The following COL9A1 variants were observed in gnomAD, a reference collection of about 807,000 sequenced individuals.
COL9A1 encodes collagen type IX alpha 1 chain.
COL9A1 carries 104 observed loss-of-function variants against 142.6 expected under a neutral mutation model. That is an observed-to-expected ratio of 0.73 (90% CI 0.62 to 0.86). The LOEUF (loss-of-function observed/expected upper bound fraction) is 0.86. COL9A1 is among the 40% of genes least tolerant of loss of function. The pLI, the probability that COL9A1 is intolerant of heterozygous loss-of-function variation, is 0.00. For synonymous variants in COL9A1, 466 were observed against 396.0 expected (o/e 1.18, Z -2.10); for missense variants, 1,210 against 1,176.6 (o/e 1.03, Z -0.42).
chr6:70,219,914 T>C (rs1162691905), intron 37 of COL9A1, among the ~76,000 whole-genome samples: 1 of 152,248 alleles, frequency 6.6e-6, no homozygotes, highest in Non-Finnish European at 1.5e-5. Flanking sequence ...AGCAGAAGGA[T>C]AGCTTTTTAG....
chr6:70,216,362 T>TCAAGAGATCAA lies in COL9A1; in HGVS notation c.*534_*535insTTGATCTCTTG. The TCAAGAGATCAA allele has an allele frequency of 6.3e-6, 1 of 158,130 alleles. No individual in the cohort carries two copies. The highest frequency in any genetic ancestry group is 1.9e-4 in the South Asian group (1 of 5,380). The allele number at this position is 158,130 out of a possible 1,614,324, so 9.8% of individuals were successfully genotyped here. A position where few individuals can be genotyped will look rare whatever the true frequency, so the allele number is the denominator to read the frequency against. On this transcript the variant is annotated 3_prime_UTR_variant, in exon 38 of 38. Coordinates refer to ENST00000357250, the MANE Select transcript of COL9A1 (RefSeq NM_001851.6). Reference sequence around the variant, plus strand: ...GACGTAAAGAAATCATTTCGGGAGATGTAGCCCTTTCTTATCACTCCAGAG... The same window carrying TCAAGAGATCAA: ...GACGTAAAGAAATCATTTCGGGAGATCAAGAGATCAAGTAGCCCTTTCTTATCACTCCAGAG...
rs367635142 is a variant in COL9A1 at position 70,300,184 on chromosome 6, T to C, written c.167-9A>G. 16 of 1,613,554 alleles carry C rather than the reference T, an allele frequency of 9.9e-6. No homozygotes were observed. Among genetic ancestry groups the C allele is most frequent in the Admixed American group, 1.7e-5 (1 of 59,972 alleles). ...AGAGATCAGATCAAACCCTATAGAATGGGAATACAAAATGAAAAGTCTAAA... is the reference window on the plus strand; with the variant it reads ...AGAGATCAGATCAAACCCTATAGAACGGGAATACAAAATGAAAAGTCTAAA... On this transcript the variant is annotated splice_polypyrimidine_tract_variant and intron_variant, in intron 3 of 37. Transcript: ENST00000357250.
At position 70,216,616 on chromosome 6, in the gene COL9A1, CAGG is replaced by C; in HGVS notation, c.*278_*280del. ...ACACTAAAGCTCAAGATCCTGGGAACAGGAGTATAAATTTATTCAAGGGAGGTG... is the reference window on the plus strand; with the variant it reads ...ACACTAAAGCTCAAGATCCTGGGAACAGTATAAATTTATTCAAGGGAGGTG... On this transcript the variant is annotated 3_prime_UTR_variant, in exon 38 of 38. Coordinates refer to ENST00000357250, the MANE Select transcript of COL9A1 (RefSeq NM_001851.6). 3 of 473,270 alleles carry C rather than the reference CAGG, an allele frequency of 6.3e-6. No homozygotes were observed. The highest frequency in any genetic ancestry group is 7.7e-6 in the Non-Finnish European group (2 of 258,710). 29.3% of individuals were successfully genotyped at this position (473,270 alleles called of 1,614,324 possible). A position where few individuals can be genotyped will look rare whatever the true frequency, so the allele number is the denominator to read the frequency against.
rs1382303909 is a variant in COL9A1 at position 70,241,310 on chromosome 6, G to GT, written c.2034+108dup. The GT allele has an allele frequency of 4.8e-5, 44 of 909,528 alleles. No homozygotes were observed. The Admixed American group carries it at 7.6e-4, about 16-fold the overall frequency. 56.3% of individuals were successfully genotyped at this position (909,528 alleles called of 1,614,324 possible). A position where few individuals can be genotyped will look rare whatever the true frequency, so the allele number is the denominator to read the frequency against. Reference sequence around the variant, plus strand: ...CACTATGAACACATTGAGAAAAACTGTTAGCCTTCATGGTTTTATTAACCC... The same window carrying GT: ...CACTATGAACACATTGAGAAAAACTGTTTAGCCTTCATGGTTTTATTAACCC... On this transcript the variant is annotated intron_variant, in intron 31 of 37. Transcript: ENST00000357250.
In COL9A1 at chr6:70,281,393, G is replaced by A. The variant is rs766896501; in HGVS notation, c.873C>T (p.Ile291=). The A allele has an allele frequency of 6.2e-7, 1 of 1,612,450 alleles. No homozygotes were observed. Among genetic ancestry groups the A allele is most frequent in the South Asian group, 1.1e-5 (1 of 90,942 alleles). ...GPPGVPGIDG[I]DGDRGPKGPP... ...TGGCCTGGAGATAGAAACTTACGTCGATGCCATCGATGCCTGGAACTCCAG... is the reference window on the plus strand; with the variant it reads ...TGGCCTGGAGATAGAAACTTACGTCAATGCCATCGATGCCTGGAACTCCAG... The change falls in exon 8 of 38, where the codon ATC becomes ATT. Residue 291 remains isoleucine, a synonymous_variant. Transcript: ENST00000357250.
intron 18 of COL9A1, among the ~76,000 whole-genome samples, chr6:70,266,366 A>G (rs1057025525): frequency 2.0e-5 from 3 of 152,210 alleles, no homozygotes; most frequent in Non-Finnish European, 4.4e-5. Flanking sequence ...TACAAATGTC[A>G]TAAAATTTTG....
rs1331487111 is a variant in COL9A1, at chr6:70,252,223, A to G, written c.1818+39T>C. 5.6e-6 allele frequency: 9 copies of G among 1,614,030 alleles called. No homozygotes were observed. The South Asian group carries it at 9.9e-5, about 18-fold the overall frequency. On this transcript the variant is annotated intron_variant, in intron 27 of 37. Coordinates refer to ENST00000357250, the MANE Select transcript of COL9A1 (RefSeq NM_001851.6). ...AAAAAGTTAACACCTACTGATTACA[A>G]CAGGTTAGAACTTCAGGAGAGGTAA...
chr6:70,249,836 G>A (rs533828644), intron 28 of COL9A1, among the ~76,000 whole-genome samples: 8 of 152,132 alleles, frequency 5.3e-5, no homozygotes, highest in African/African-American at 1.4e-4. Flanking sequence ...TGCAGCCCAC[G>A]GCACTTAACT....
chr6:70,302,545 G>A (rs938663088), intron 1 of COL9A1, among the ~76,000 whole-genome samples: 1 of 151,906 alleles, frequency 6.6e-6, no homozygotes, highest in East Asian at 1.9e-4. Context: ...GAGATGTAAG[G>A]AACTCATGTT....
In COL9A1 at chr6:70,294,394, A is replaced by T. The variant is rs767160835; in HGVS notation, c.469T>A (p.Tyr157Asn). The change falls in exon 5 of 38, where the codon TAC becomes AAC. Residue 157 changes from tyrosine to asparagine, a missense_variant. Transcript: ENST00000357250. ...NGQTQSVVFS[Y>N]KGLDGSLQTA... The stretch of plus-strand genomic sequence containing the variant: ...TGGAGACTTCCATCCAGTCCCTTGT[A>T]TGAAAATACAACAGATTGTGTTTGG... 2.5e-6 allele frequency: 4 copies of T among 1,614,000 alleles called. No homozygotes were observed. In the South Asian group the frequency reaches 3.3e-5, roughly 13 times the overall value.
chr6:70,232,843 T>C (rs1769644291), intron 35 of COL9A1, 72 bp from the exon 36 acceptor site: 2 of 1,446,660 alleles, frequency 1.4e-6, no homozygotes, highest in Admixed American at 2.0e-5. Context: ...AAGAGAGGTA[T>C]TCCAAATGCC....
chr6:70,234,525 T>G lies in COL9A1; in HGVS notation c.2314+14A>C. Reference sequence around the variant, plus strand: ...TTGATGGTGGAAAAAGTCAAACCATTGTGATTTATTTACCTTGTATGACTC... The same window carrying G: ...TTGATGGTGGAAAAAGTCAAACCATGGTGATTTATTTACCTTGTATGACTC... On this transcript the variant is annotated intron_variant, in intron 35 of 37. Transcript: ENST00000357250. The G allele has an allele frequency of 2.5e-6, 4 of 1,613,542 alleles. No individual in the cohort carries two copies. The highest frequency in any genetic ancestry group is 2.5e-6 in the Non-Finnish European group (3 of 1,179,466).
At chr6:70,284,874 G>A (rs967120349) in intron 5 of COL9A1, among the ~76,000 whole-genome samples, 3 of 152,126 alleles carry the variant, frequency 2.0e-5, no homozygotes, top group Non-Finnish European at 4.4e-5. Context: ...CTGCCAAATG[G>A]ATTCTAGAGC....
At chr6:70,278,084 G>C (rs1467728341) in intron 10 of COL9A1, among the ~76,000 whole-genome samples, 1 of 152,124 alleles carries the variant, frequency 6.6e-6, no homozygotes, top group African/African-American at 2.4e-5. Context: ...AGTTCCAGAT[G>C]CCTCATGTGG....
intron 36 of COL9A1, among the ~76,000 whole-genome samples, chr6:70,227,954 T>C (rs777888897): frequency 1.3e-5 from 2 of 151,998 alleles, no homozygotes; most frequent in African/African-American, 2.4e-5. Flanking sequence ...TTATATAGAA[T>C]TGCTTGTAAG....
intron 7 of COL9A1, among the ~76,000 whole-genome samples, chr6:70,282,683 C>T (rs571077296): frequency 3.9e-5 from 6 of 152,274 alleles, no homozygotes; most frequent in Admixed American, 3.9e-4. Context: ...TAGGGAGGAC[C>T]CAGATTGGGG....
intron 36 of COL9A1, among the ~76,000 whole-genome samples, chr6:70,231,101 G>T (rs1430370897): frequency 6.6e-6 from 1 of 152,158 alleles, no homozygotes; most frequent in African/African-American, 2.4e-5. Flanking sequence ...CGACCCCAGA[G>T]TTTCTGATTC....
intron 28 of COL9A1, among the ~76,000 whole-genome samples, chr6:70,251,341 T>G (rs766124431): frequency 2.0e-5 from 3 of 151,974 alleles, no homozygotes; most frequent in Middle Eastern, 3.2e-3. Context: ...AGCCGGGAGT[T>G]CAAGACCAGC....
chr6:70,227,429 A>AAAAAAAAAAAAAAAAAAAAG, intron 36 of COL9A1, among the ~76,000 whole-genome samples: 1 of 148,654 alleles, frequency 6.7e-6, no homozygotes, highest in African/African-American at 2.5e-5. Context: ...AATTGTAAAA[A>AAAAAAAAAAAAAAAAAAAAG]AAAAAAAAAA....
Sources: gnomAD v4.1 joint callset for allele counts (sites outside exome capture counted in the v4.1 genomes callset) on GRCh38, gnomAD v4.1.1 for gene constraint, MANE v1.5 for transcripts, NCBI Gene and HGNC (gene_info 2026-07-23, HGNC 2026-07-21) for gene names.